Variants in DDR2 observed in about 807,000 individuals in gnomAD.
The protein encoded by DDR2 is discoidin domain-containing receptor 2.
A neutral mutation model predicts 94.9 loss-of-function variants in DDR2; 27 were observed. The observed-to-expected ratio is 0.28, with a 90% CI of 0.21 to 0.39. The LOEUF (loss-of-function observed/expected upper bound fraction) is 0.39. DDR2 is among the 10% of genes least tolerant of loss of function. DDR2 has a pLI of 1.00. For synonymous variants in DDR2, 382 were observed against 377.2 expected (o/e 1.01, Z -0.15); for missense variants, 783 against 1,076.0 (o/e 0.73, Z 3.81).
chr1:162,741,061 T>G (rs959725455), intron 3 of DDR2, among the ~76,000 whole-genome samples: 1 of 151,842 alleles, frequency 6.6e-6, no homozygotes, highest in Admixed American at 6.6e-5. Context: ...ACTTAATAGC[T>G]GTGGGCCTTC....
At chr1:162,730,082 TGA>T (rs1661957800) in intron 3 of DDR2, among the ~76,000 whole-genome samples, 1 of 129,184 alleles carries the variant, frequency 7.7e-6, no homozygotes, top group Non-Finnish European at 1.6e-5. Flanking sequence ...AAAATCTAAA[TGA>T]TGCCATGTGA....
At chr1:162,637,175 T>C (rs543944993) in intron 1 of DDR2, among the ~76,000 whole-genome samples, 1 of 152,282 alleles carries the variant, frequency 6.6e-6, no homozygotes, top group African/African-American at 2.4e-5. Context: ...GTTACAAGCA[T>C]TTATAAGCAT....
chr1:162,753,970 T>G (rs1162181209), intron 4 of DDR2, among the ~76,000 whole-genome samples: 1 of 152,170 alleles, frequency 6.6e-6, no homozygotes, highest in African/African-American at 2.4e-5. Context: ...ATGGGTAATA[T>G]CTGTGAGAAA....
chr1:162,739,354 G>A lies in DDR2; in HGVS notation c.83-13741G>A, dbSNP rs150218497. Among the ~76,000 whole-genome samples, 229 of 152,062 alleles carry A rather than the reference G, an allele frequency of 1.5e-3. 1 individual carries two copies. The highest frequency in any genetic ancestry group is 4.9e-3 in the African/African-American group (203 of 41,478). On this transcript the variant is annotated intron_variant, in intron 3 of 17. Coordinates refer to ENST00000367921, the MANE Select transcript of DDR2 (RefSeq NM_006182.4). The stretch of plus-strand genomic sequence containing the variant: ...TTTTGAGATGGAGTCTCTCTCTGTC[G>A]CCCAGGCTGGAGTGCAGTGGTGTGA...
intron 2 of DDR2, among the ~76,000 whole-genome samples, chr1:162,699,973 A>G (rs1660357167): frequency 6.6e-6 from 1 of 152,208 alleles, no homozygotes; most frequent in Non-Finnish European, 1.5e-5. Context: ...TTGTTAGGAA[A>G]TGGATTTCCC....
rs763680731 is a variant in DDR2, at chr1:162,773,514, G to C, written c.1774G>C (p.Asp592His). Residue 592 changes from aspartate to histidine, a missense_variant, in exon 14 of 18, where the codon GAT (aspartate) becomes CAT (histidine). Physicochemically the swap from Asp to His is moderately conservative, Grantham distance 81. Around this residue, in one of 2 missense-constraint regions of DDR2, gnomAD observed 264 missense variants for 428.2 expected, o/e 0.62. Coordinates refer to ENST00000367921, the MANE Select transcript of DDR2 (RefSeq NM_006182.4). ...GGGAATGGAAAAATTCAAAGACAAAGATTTTGCCCTAGATGTCAGTGCCAA... is the reference window on the plus strand; with the variant it reads ...GGGAATGGAAAAATTCAAAGACAAACATTTTGCCCTAGATGTCAGTGCCAA... ...VEGMEKFKDK[D>H]FALDVSANQP... 6.2e-7 allele frequency: 1 copy of C among 1,614,052 alleles called. No individual in the cohort carries two copies. The highest frequency in any genetic ancestry group is 8.5e-7 in the Non-Finnish European group (1 of 1,179,944).
At chr1:162,776,098 C>T (rs2102197752) in intron 15 of DDR2, 38 bp from the exon 16 acceptor site, 1 of 1,561,104 alleles carries the variant, frequency 6.4e-7, no homozygotes, top group Non-Finnish European at 8.8e-7. Flanking sequence ...CTTCCTGTTT[C>T]CATAGGCTAC....
intron 1 of DDR2, among the ~76,000 whole-genome samples, chr1:162,645,422 C>T (rs1657358620): frequency 6.6e-6 from 1 of 152,014 alleles, no homozygotes; most frequent in Non-Finnish European, 1.5e-5. Flanking sequence ...ATGAAATCAA[C>T]TATATCTGAG....
At chr1:162,631,209 TGTGTGTGTG>T (rs1183915114), upstream of DDR2, among the ~76,000 whole-genome samples, 2 of 151,630 alleles carry the variant, frequency 1.3e-5, no homozygotes, top group African/African-American at 4.9e-5. Flanking sequence ...TGTGTGTGTG[TGTGTGTGTG>T]TGTGTGTGCG....
upstream of DDR2, chr1:162,631,414 G>C (rs949536540): frequency 2.0e-5 from 3 of 152,176 alleles, no homozygotes. Flanking sequence ...CTCAGAGAAA[G>C]GAGGTCTCTT....
At chr1:162,667,367 C>T (rs1283323574) in intron 2 of DDR2, among the ~76,000 whole-genome samples, 1 of 152,170 alleles carries the variant, frequency 6.6e-6, no homozygotes, top group Non-Finnish European at 1.5e-5. Context: ...CTGGCTTGGC[C>T]AGAGACCCAC....
chr1:162,726,634 A>T (rs1473284654), intron 3 of DDR2, among the ~76,000 whole-genome samples: 1 of 152,192 alleles, frequency 6.6e-6, no homozygotes, highest in East Asian at 1.9e-4. Flanking sequence ...CTTTGGGGCC[A>T]GGAGCATGAT....
intron 10 of DDR2, among the ~76,000 whole-genome samples, chr1:162,766,405 A>G (rs930277499): frequency 1.3e-5 from 2 of 152,218 alleles, no homozygotes; most frequent in Non-Finnish European, 2.9e-5. Flanking sequence ...TCAAAGAAAC[A>G]AAATGCTGAT....
intron 2 of DDR2, among the ~76,000 whole-genome samples, chr1:162,683,629 T>C (rs1003245245): frequency 6.6e-5 from 10 of 152,070 alleles, no homozygotes; most frequent in African/African-American, 2.4e-4. Context: ...AAATATATTA[T>C]ATTTGTAATG....
intron 12 of DDR2, among the ~76,000 whole-genome samples, chr1:162,771,608 G>A (rs927075164): frequency 3.9e-5 from 6 of 152,108 alleles, no homozygotes; most frequent in African/African-American, 1.2e-4. Flanking sequence ...TATGTCTTAA[G>A]CTAGATCATA....
intron 3 of DDR2, among the ~76,000 whole-genome samples, chr1:162,751,869 C>G (rs1433233617): frequency 3.9e-5 from 6 of 152,110 alleles, no homozygotes; most frequent in Non-Finnish European, 5.9e-5. Context: ...AAGATAGAAA[C>G]CATCATTTGA....
intron 2 of DDR2, among the ~76,000 whole-genome samples, chr1:162,714,494 C>G (rs1661064682): frequency 6.6e-6 from 1 of 152,116 alleles, no homozygotes; most frequent in African/African-American, 2.4e-5. Context: ...AACTTCTTCA[C>G]CAAGTTTAAA....
chr1:162,718,177 A>G (rs1295828815), intron 2 of DDR2, among the ~76,000 whole-genome samples: 1 of 152,128 alleles, frequency 6.6e-6, no homozygotes, highest in Non-Finnish European at 1.5e-5. Context: ...TCCCTTTGTC[A>G]TACCCCATCA....
At position 162,764,627 on chromosome 1, in the gene DDR2, G is replaced by C. The variant is rs761695915; in HGVS notation, c.1100-1374G>C. Among the ~76,000 whole-genome samples the C allele has an allele frequency of 3.3e-5, 5 of 152,052 alleles. No individual in the cohort carries two copies. In the South Asian group the frequency reaches 8.3e-4, roughly 25 times the overall value. On this transcript the variant is annotated intron_variant, in intron 9 of 17. Coordinates refer to ENST00000367921, the MANE Select transcript of DDR2 (RefSeq NM_006182.4). ...GGATTGCTTGTATTCAAGAGTTTGA[G>C]ACTAGCCTAGGCAACATGGCGAAAT...
Sources: gnomAD v4.1 joint callset for allele counts (sites outside exome capture counted in the v4.1 genomes callset) on GRCh38, gnomAD v4.1.1 for gene constraint, gnomAD v4.1.1 regional missense constraint, MANE v1.5 for transcripts, NCBI Gene and HGNC (gene_info 2026-07-23, HGNC 2026-07-21) for gene names.